SRRM4: variants seen among roughly 807,000 people sequenced by gnomAD.
SRRM4 encodes serine/arginine repetitive matrix protein 4.
SRRM4 carries 33 observed loss-of-function variants against 68.9 expected under a neutral mutation model. That is an observed-to-expected ratio of 0.48 (90% CI 0.36 to 0.64). The LOEUF (loss-of-function observed/expected upper bound fraction) is 0.64. Among genes scored for constraint, SRRM4 ranks in the 30% least tolerant of loss-of-function variants. SRRM4 has a pLI of 0.00. For missense variants in SRRM4, 817 were observed against 827.1 expected, an observed-to-expected ratio of 0.99 and a Z score of 0.15; for synonymous variants, 318 against 318.8, an observed-to-expected ratio of 1.00 and a Z score of 0.03.
At chr12:119,109,373 G>A (rs1431779834) in intron 2 of SRRM4, among the ~76,000 whole-genome samples, 9 of 152,150 alleles carry the variant, frequency 5.9e-5, no homozygotes, top group Non-Finnish European at 1.2e-4. Flanking sequence ...GGCCTGCCCC[G>A]CTAGGTTGGG....
chr12:119,153,440 G>A (rs1192829793), intron 10 of SRRM4, 99 bp from the exon 11 acceptor site: 2 of 739,486 alleles, frequency 2.7e-6, no homozygotes, highest in Non-Finnish European at 4.5e-6. Flanking sequence ...GAAAGAAAAA[G>A]GTCACTGCCC....
chr12:119,078,454 A>G (rs1157338823), intron 1 of SRRM4, among the ~76,000 whole-genome samples: 1 of 152,218 alleles, frequency 6.6e-6, no homozygotes, highest in Non-Finnish European at 1.5e-5. Context: ...TCACTGCTGC[A>G]CATATCCTTA....
intron 1 of SRRM4, among the ~76,000 whole-genome samples, chr12:119,076,952 G>A (rs909754321): frequency 6.6e-6 from 1 of 152,134 alleles, no homozygotes; most frequent in Admixed American, 6.5e-5. Context: ...AATTTAAAGG[G>A]GGTATTTTTA....
intron 1 of SRRM4, among the ~76,000 whole-genome samples, chr12:119,089,279 T>A (rs1953999387): frequency 6.6e-6 from 1 of 152,198 alleles, no homozygotes; most frequent in South Asian, 2.1e-4. Context: ...TGGTAGGAGA[T>A]AATCATGAAG....
Position 119,116,932 on chromosome 12 carries a change from G to C in SRRM4, c.366-5G>C. 6.2e-7 allele frequency: 1 copy of C among 1,613,572 alleles called. No homozygotes were observed. Among genetic ancestry groups the C allele is most frequent in the South Asian group, 1.1e-5 (1 of 91,022 alleles). On this transcript the variant is annotated splice_region_variant and splice_polypyrimidine_tract_variant and intron_variant, in intron 3 of 12. Transcript: ENST00000267260. Reference sequence around the variant, plus strand: ...TTCTGAAATGTGTCTTCTTGGCCCTGGCAGGTCCTCATCCTATAGCCCATC... The same window carrying C: ...TTCTGAAATGTGTCTTCTTGGCCCTCGCAGGTCCTCATCCTATAGCCCATC...
chr12:119,006,684 G>T (rs990052148), intron 1 of SRRM4, among the ~76,000 whole-genome samples: 1 of 152,236 alleles, frequency 6.6e-6, no homozygotes, highest in Non-Finnish European at 1.5e-5. Flanking sequence ...AGGAGAATTT[G>T]TGTCCTTGGC....
rs182673473 is a variant in SRRM4 at position 119,050,487 on chromosome 12, A to C, written c.132-51749A>C. ...TAGGTGTTCATAAATTTTCCTCTTG[A>C]GGTAATACGTGTGCTTTTAGAGACC... is the stretch of plus-strand genomic sequence containing the variant. On this transcript the variant is annotated intron_variant, in intron 1 of 12. Coordinates refer to ENST00000267260, the MANE Select transcript of SRRM4 (RefSeq NM_194286.4). Among the ~76,000 whole-genome samples, 13 of 152,324 alleles carry C rather than the reference A, an allele frequency of 8.5e-5. No individual in the cohort carries two copies. The Middle Eastern group carries it at 0.01, about 120-fold the overall frequency.
At chr12:118,991,724 T>C (rs1953317976) in intron 1 of SRRM4, 2 of 152,262 alleles carry the variant, frequency 1.3e-5, no homozygotes. Flanking sequence ...CTCTGATTCA[T>C]AGGAGAATTG....
At chr12:119,108,577 C>T (rs1432238446) in intron 2 of SRRM4, among the ~76,000 whole-genome samples, 1 of 151,966 alleles carries the variant, frequency 6.6e-6, no homozygotes, top group African/African-American at 2.4e-5. Flanking sequence ...TAATGGCCTT[C>T]TTTGTCTCTT....
In SRRM4 at chr12:119,060,546, T is replaced by G. The variant is rs190570421; in HGVS notation, c.132-41690T>G. ...GGCTTTCAGTATCTTAAGTGTTCCT[T>G]ATGGCAGTCAGGTCTCTGAGTGTTC... On this transcript the variant is annotated intron_variant, in intron 1 of 12. Transcript: ENST00000267260. Among the ~76,000 whole-genome samples, 9 of 151,882 alleles carry G rather than the reference T, an allele frequency of 5.9e-5. No homozygotes were observed. The East Asian group carries it at 1.7e-3, about 29-fold the overall frequency.
intron 7 of SRRM4, among the ~76,000 whole-genome samples, chr12:119,128,631 A>G (rs966277845): frequency 1.3e-5 from 2 of 152,212 alleles, no homozygotes; most frequent in African/African-American, 4.8e-5. Context: ...GTTACAGCAG[A>G]GACAACTGCC....
At chr12:119,079,250 G>C (rs549899261) in intron 1 of SRRM4, among the ~76,000 whole-genome samples, 2 of 152,208 alleles carry the variant, frequency 1.3e-5, no homozygotes, top group African/African-American at 2.4e-5. Flanking sequence ...AAGAACTTCA[G>C]AAATGATGGG....
chr12:119,119,748 G>T (rs530679996), intron 4 of SRRM4, among the ~76,000 whole-genome samples: 1 of 152,158 alleles, frequency 6.6e-6, no homozygotes, highest in South Asian at 2.1e-4. Flanking sequence ...TGATGATGAC[G>T]GTGATGATGA....
intron 9 of SRRM4, 145 bp from the exon 10 acceptor site, chr12:119,150,872 T>C: frequency 1.4e-6 from 1 of 698,378 alleles, no homozygotes; most frequent in Admixed American, 2.3e-5. Flanking sequence ...GCCTGGGAAG[T>C]CTTTCCAGAG....
At chr12:119,054,065 T>C (rs1044732073) in intron 1 of SRRM4, among the ~76,000 whole-genome samples, 1 of 152,204 alleles carries the variant, frequency 6.6e-6, no homozygotes, top group East Asian at 1.9e-4. Flanking sequence ...CTGGTAACCA[T>C]CCTTCTACTC....
At chr12:119,123,899 A>G (rs1592907597) in intron 6 of SRRM4, among the ~76,000 whole-genome samples, 1 of 152,162 alleles carries the variant, frequency 6.6e-6, no homozygotes, top group East Asian at 1.9e-4. Context: ...TGGTCACAGA[A>G]CAGCAGACGA....
At chr12:119,073,191 A>G (rs553043809) in intron 1 of SRRM4, among the ~76,000 whole-genome samples, 40 of 152,074 alleles carry the variant, frequency 2.6e-4, no homozygotes, top group African/African-American at 9.6e-4. Context: ...AAGTTCAGGG[A>G]TGTATATGAG....
At position 119,122,093 on chromosome 12, in the gene SRRM4, G is replaced by C. The variant is rs954231145; in HGVS notation, c.488G>C (p.Arg163Thr). The C allele has an allele frequency of 1.9e-6, 3 of 1,611,490 alleles. No homozygotes were observed. Among genetic ancestry groups the C allele is most frequent in the East Asian group, 4.5e-5 (2 of 44,856 alleles). ...RHSSSSPKSKRRDEKRHKKQS... is the reference protein window; with the variant it reads ...RHSSSSPKSKTRDEKRHKKQS... ...AGCTCCTCTAGCCCAAAAAGCAAAA[G>C]AAGAGATGAGAAGAGGCACAAGAAA... Residue 163 changes from arginine to threonine, a missense_variant, in exon 6 of 13, where the codon AGA becomes ACA. Coordinates refer to ENST00000267260, the MANE Select transcript of SRRM4 (RefSeq NM_194286.4).
At chr12:119,122,336 AAGGGGAG>A (rs1954226983) in intron 6 of SRRM4, among the ~76,000 whole-genome samples, 1 of 144,384 alleles carries the variant, frequency 6.9e-6, no homozygotes, top group African/African-American at 2.5e-5. Flanking sequence ...GGAAGGAAGG[AAGGGGAG>A]AGGGAGGGAC....
Sources: allele counts gnomAD v4.1 joint callset (sites outside exome capture counted in the v4.1 genomes callset), GRCh38; gene constraint gnomAD v4.1.1; transcripts MANE v1.5; gene names NCBI Gene and HGNC (gene_info 2026-07-23, HGNC 2026-07-21).